PLCH1: variants seen among roughly 807,000 people sequenced by gnomAD.
The protein encoded by PLCH1 is 1-phosphatidylinositol 4,5-bisphosphate phosphodiesterase eta-1.
In PLCH1, 60 loss-of-function variants were observed where a neutral mutation model predicts 126.7. That is an observed-to-expected ratio of 0.47 (90% CI 0.38 to 0.59). The LOEUF is 0.59. PLCH1 is among the 20% of genes least tolerant of loss of function. The pLI is 0.00. For synonymous variants in PLCH1, 719 were observed against 734.9 expected (o/e 0.98, Z 0.35); for missense variants, 1,723 against 2,040.0 (o/e 0.84, Z 2.99).
At chr3:155,615,182 A>G (rs567034343) in intron 2 of PLCH1, among the ~76,000 whole-genome samples, 2 of 152,212 alleles carry the variant, frequency 1.3e-5, no homozygotes, top group Non-Finnish European at 2.9e-5. Context: ...CATATGAAAA[A>G]GTGCTCAACA....
Position 155,554,643 on chromosome 3 carries a change from G to A in PLCH1, c.1070-447C>T, listed in dbSNP as rs908009474. 2.0e-5 allele frequency among the ~76,000 whole-genome samples: 3 copies of A among 151,980 alleles called. No individual in the cohort carries two copies. The East Asian group carries it at 5.8e-4, about 29-fold the overall frequency. Reference sequence around the variant, plus strand: ...TATAGTTTTCATTATTGTTCACTTAGGCTCACAATGTTTTCATTAGATTGA... The same window carrying A: ...TATAGTTTTCATTATTGTTCACTTAAGCTCACAATGTTTTCATTAGATTGA... On this transcript the variant is annotated intron_variant, in intron 8 of 22. Coordinates refer to ENST00000460012, the MANE Select transcript of PLCH1 (RefSeq NM_014996.4).
At chr3:155,623,524 G>C (rs911443872) in intron 2 of PLCH1, among the ~76,000 whole-genome samples, 19 of 151,970 alleles carry the variant, frequency 1.3e-4, no homozygotes, top group Non-Finnish European at 1.9e-4. Context: ...GACTAATAAA[G>C]AAGAAAAGAA....
intron 21 of PLCH1, among the ~76,000 whole-genome samples, chr3:155,452,063 G>A (rs561963369): frequency 1.3e-5 from 2 of 152,160 alleles, no homozygotes; most frequent in East Asian, 3.9e-4. Flanking sequence ...CTGGCCCTAT[G>A]TATTAGTCTG....
At chr3:155,561,691 T>A (rs1181496193) in intron 8 of PLCH1, among the ~76,000 whole-genome samples, 1 of 152,056 alleles carries the variant, frequency 6.6e-6, no homozygotes, top group African/African-American at 2.4e-5. Context: ...TAGTTCTAGA[T>A]CCCTGAGGAA....
intron 10 of PLCH1, among the ~76,000 whole-genome samples, chr3:155,543,752 G>T (rs1314339997): frequency 2.0e-5 from 3 of 149,878 alleles, no homozygotes; most frequent in African/African-American, 4.9e-5. Flanking sequence ...TTAAAGAAAA[G>T]AATTTTCAAC....
At chr3:155,591,222 T>C (rs1052208430) in intron 4 of PLCH1, among the ~76,000 whole-genome samples, 3 of 152,242 alleles carry the variant, frequency 2.0e-5, no homozygotes, top group Non-Finnish European at 4.4e-5. Flanking sequence ...TGGATTTGGT[T>C]GCTTCCCCAT....
chr3:155,676,859 C>T (rs1286038605), intron 2 of PLCH1, among the ~76,000 whole-genome samples: 1 of 152,068 alleles, frequency 6.6e-6, no homozygotes, highest in Non-Finnish European at 1.5e-5. Flanking sequence ...AATCACATGC[C>T]TGTGGACGTG....
At chr3:155,719,379 G>A (rs931689732) in intron 1 of PLCH1, among the ~76,000 whole-genome samples, 1 of 151,978 alleles carries the variant, frequency 6.6e-6, no homozygotes, top group Non-Finnish European at 1.5e-5. Context: ...GGTTGGGGGA[G>A]GGGGAAGGGA....
intron 1 of PLCH1, among the ~76,000 whole-genome samples, chr3:155,708,491 G>A (rs528292189): frequency 6.6e-6 from 1 of 152,332 alleles, no homozygotes; most frequent in African/African-American, 2.4e-5. Flanking sequence ...CCTCTAGCTG[G>A]AAGATGATAA....
chr3:155,492,949 A>G, intron 17 of PLCH1, 96 bp from the exon 18 acceptor site: 1 of 1,034,678 alleles, frequency 9.7e-7, no homozygotes, highest in Non-Finnish European at 1.3e-6. Flanking sequence ...AACAAAAACA[A>G]ATGCTGAATT....
At chr3:155,623,484 A>G (rs1157148898) in intron 2 of PLCH1, among the ~76,000 whole-genome samples, 1 of 152,170 alleles carries the variant, frequency 6.6e-6, no homozygotes, top group African/African-American at 2.4e-5. Context: ...TTTTTTGAAA[A>G]GATGAACACA....
chr3:155,579,850 C>CTCTG (rs1026410587), intron 6 of PLCH1, among the ~76,000 whole-genome samples: 8 of 152,148 alleles, frequency 5.3e-5, no homozygotes, highest in African/African-American at 1.9e-4. Context: ...CAGTCTCTGT[C>CTCTG]TCTGTCTGTC....
intron 12 of PLCH1, among the ~76,000 whole-genome samples, chr3:155,506,039 G>C (rs956061501): frequency 6.6e-6 from 1 of 152,018 alleles, no homozygotes; most frequent in Non-Finnish European, 1.5e-5. Context: ...GGGACAACAG[G>C]TATAAAGCAC....
Position 155,524,770 on chromosome 3 carries a change from A to G in PLCH1, c.1363-766T>C, listed in dbSNP as rs1478342103. Among the ~76,000 whole-genome samples the G allele has an allele frequency of 2.6e-5, 4 of 152,198 alleles. No homozygotes were observed. The East Asian group carries it at 7.7e-4, about 29-fold the overall frequency. On this transcript the variant is annotated intron_variant, in intron 10 of 22. Transcript: ENST00000460012. ...AGTGGCTCACACCTGTAATCCCAGC[A>G]CTTTGGGAGGCTGAGATGGGAAGAT... is the stretch of plus-strand genomic sequence containing the variant.
intron 2 of PLCH1, among the ~76,000 whole-genome samples, chr3:155,644,083 C>A (rs1031248368): frequency 6.6e-6 from 1 of 152,018 alleles, no homozygotes; most frequent in African/African-American, 2.4e-5. Flanking sequence ...ATGAAGAGAG[C>A]CAATAATATC....
intron 1 of PLCH1, among the ~76,000 whole-genome samples, chr3:155,727,642 C>T (rs1748444064): frequency 6.6e-6 from 1 of 152,186 alleles, no homozygotes; most frequent in Non-Finnish European, 1.5e-5. Flanking sequence ...CCCGTCTCGG[C>T]CTCCCAAAGT....
chr3:155,734,931 G>C (rs763326173), intron 1 of PLCH1, among the ~76,000 whole-genome samples: 1 of 151,972 alleles, frequency 6.6e-6, no homozygotes, highest in Non-Finnish European at 1.5e-5. Context: ...GGATGGTCTC[G>C]ATCTCCTGAC....
chr3:155,742,415 C>A (rs1749702191), intron 1 of PLCH1: 1 of 152,120 alleles, frequency 6.6e-6, no homozygotes, highest in African/African-American at 2.4e-5. Context: ...TAACTTTAAA[C>A]AGATTTTATT....
At chr3:155,705,915 C>T (rs1746620367) in intron 1 of PLCH1, among the ~76,000 whole-genome samples, 2 of 152,218 alleles carry the variant, frequency 1.3e-5, no homozygotes, top group South Asian at 2.1e-4. Context: ...GTGGCTCACG[C>T]CTGTAATCCC....
Sources: allele counts gnomAD v4.1 joint callset (sites outside exome capture counted in the v4.1 genomes callset), GRCh38; gene constraint gnomAD v4.1.1; transcripts MANE v1.5; gene names NCBI Gene and HGNC (gene_info 2026-07-23, HGNC 2026-07-21).